The following SIGLEC12 variants were observed in gnomAD, a reference collection of about 807,000 sequenced individuals.
The protein encoded by SIGLEC12 is sialic acid binding Ig like lectin 12, also known as sialic acid-binding Ig-like lectin 12.
SIGLEC12 carries 43 observed loss-of-function variants against 54.1 expected under a neutral mutation model. The ratio of observed to expected loss-of-function variants is 0.80; its 90% CI spans 0.62 to 1.03. The LOEUF (loss-of-function observed/expected upper bound fraction) is 1.03. SIGLEC12 is among the 50% of genes least tolerant of loss of function. SIGLEC12 has a pLI of 0.00. For synonymous variants in SIGLEC12, 357 were observed against 307.6 expected (o/e 1.16, Z -1.68); for missense variants, 802 against 735.2 (o/e 1.09, Z -1.05).
intron 5 of SIGLEC12, 34 bp from the exon 6 acceptor site, chr19:51,497,479 C>T (rs1197136788): frequency 1.3e-6 from 2 of 1,532,604 alleles, no homozygotes; most frequent in African/African-American, 1.4e-5. Context: ...TGGGGTTTAC[C>T]CTCCAAGAAC....
intron 4 of SIGLEC12, among the ~76,000 whole-genome samples, chr19:51,498,833 G>C (rs1990312529): frequency 6.6e-6 from 1 of 152,194 alleles, no homozygotes; most frequent in Non-Finnish European, 1.5e-5. Context: ...TGTGACTATA[G>C]TATGTATCCA....
intron 7 of SIGLEC12, among the ~76,000 whole-genome samples, chr19:51,495,514 T>A (rs1157456853): frequency 6.6e-6 from 1 of 152,166 alleles, no homozygotes; most frequent in Non-Finnish European, 1.5e-5. Flanking sequence ...GATGGATGAA[T>A]GGTTGGATGA....
In SIGLEC12 at chr19:51,498,299, G is replaced by C. The variant is rs1385083040; in HGVS notation, c.1136-12C>G. 2 of 1,589,228 alleles carry C rather than the reference G, an allele frequency of 1.3e-6. No homozygotes were observed. Among genetic ancestry groups the C allele is most frequent in the Middle Eastern group, 1.7e-4 (1 of 5,928 alleles). ...CAAGGTTGTGGATGCTGTAGAGAAAGAGACAGAAGGGCAGAGAGAGACAAA... is the reference window on the plus strand; with the variant it reads ...CAAGGTTGTGGATGCTGTAGAGAAACAGACAGAAGGGCAGAGAGAGACAAA... On this transcript the variant is annotated splice_polypyrimidine_tract_variant and intron_variant, in intron 4 of 7. Coordinates refer to ENST00000291707, the MANE Select transcript of SIGLEC12 (RefSeq NM_053003.4).
rs770957500 is a variant in SIGLEC12, at chr19:51,498,135, C to T, written c.1288G>A (p.Val430Met). Residue 430 changes from valine to methionine, a missense_variant, in exon 5 of 8, where the codon GTG becomes ATG. Val to Met is a conservative substitution (Grantham distance 21). Coordinates refer to ENST00000291707, the MANE Select transcript of SIGLEC12 (RefSeq NM_053003.4). ...ACATGCACTCGAGGCAGCTCCAGCA[C>T]CCCAAGGTTCGAGGACTGTGAGGGG... is the stretch of plus-strand genomic sequence containing the variant. Reference protein sequence around the residue: ...LSPSQSSNLGVLELPRVHVKD... With the variant: ...LSPSQSSNLGMLELPRVHVKD... 6.2e-7 allele frequency: 1 copy of T among 1,614,122 alleles called. No homozygotes were observed. The highest frequency in any genetic ancestry group is 1.1e-5 in the South Asian group (1 of 91,088).
chr19:51,497,618 G>A (rs962317390), intron 5 of SIGLEC12, among the ~76,000 whole-genome samples, 173 bp from the exon 6 acceptor site: 2 of 152,214 alleles, frequency 1.3e-5, no homozygotes, highest in South Asian at 4.1e-4. Flanking sequence ...AGTGCTGGGT[G>A]CAGTCTGCCT....
intron 7 of SIGLEC12, among the ~76,000 whole-genome samples, chr19:51,495,355 A>G (rs538104858): frequency 0.058 from 902 of 15,428 alleles, 42 homozygotes; most frequent in Non-Finnish European, 0.074. Context: ...ATGGATGGAC[A>G]GACGGGTGGG....
Position 51,500,150 on chromosome 19 carries a change from T to A in SIGLEC12, c.578A>T (p.Glu193Val), listed in dbSNP as rs376421499. Residue 193 changes from glutamate (E) to valine (V), a missense_variant, in exon 2 of 8, where the codon GAA becomes GTA. Coordinates refer to ENST00000291707, the MANE Select transcript of SIGLEC12 (RefSeq NM_053003.4). ...AATATCCCATGGTATATCGGCCCCT[T>A]CCTTGAACCAGGATCCATAAACAGG... Reference protein sequence around the residue: ...SSPVYGSWFKEGADIPWDIPV... With the variant: ...SSPVYGSWFKVGADIPWDIPV... The A allele has an allele frequency of 5.0e-5, 81 of 1,614,026 alleles. No homozygotes were observed. The highest frequency in any genetic ancestry group is 6.5e-5 in the Non-Finnish European group (77 of 1,180,032).
At chr19:51,491,871 G>A in intron 7 of SIGLEC12, 42 bp from the exon 8 acceptor site, 1 of 1,464,480 alleles carries the variant, frequency 6.8e-7, no homozygotes. Flanking sequence ...GAGCAGTGGG[G>A]CCAGCATGCA....
chr19:51,498,180 A>G lies in SIGLEC12; in HGVS notation c.1243T>C (p.Trp415Arg). Reference sequence around the variant, plus strand: ...GAGGGGCTCAGGGTCAGGCTCCCCCAGGTCCAGCTCAGCCTGGCAGGGGGA... The same window carrying G: ...GAGGGGCTCAGGGTCAGGCTCCCCCGGGTCCAGCTCAGCCTGGCAGGGGGA... The part of the protein sequence containing the change: ...SNPPARLSWT[W>R]GSLTLSPSQS... Residue 415 changes from tryptophan (W) to arginine (R), a missense_variant, in exon 5 of 8, where the codon TGG becomes CGG. Trp to Arg is a moderately radical substitution (Grantham distance 101, BLOSUM62 -3). Coordinates refer to ENST00000291707, the MANE Select transcript of SIGLEC12 (RefSeq NM_053003.4). 3 of 1,614,242 alleles carry G rather than the reference A, an allele frequency of 1.9e-6. No homozygotes were observed. The highest frequency in any genetic ancestry group is 2.5e-6 in the Non-Finnish European group (3 of 1,180,038).
intron 7 of SIGLEC12, among the ~76,000 whole-genome samples, chr19:51,495,686 A>G (rs1445049367): frequency 6.6e-6 from 1 of 152,206 alleles, no homozygotes; most frequent in Non-Finnish European, 1.5e-5. Flanking sequence ...TATAGAATTA[A>G]ACTTCGATGA....
intron 1 of SIGLEC12, 24 bp from the exon 2 acceptor site, chr19:51,500,324 C>A (rs1990362887): frequency 1.1e-5 from 17 of 1,614,106 alleles, no homozygotes; most frequent in Non-Finnish European, 1.4e-5. Flanking sequence ...AGGGTCAGCC[C>A]AGCCCCCACT....
At chr19:51,497,075 G>C in intron 6 of SIGLEC12, 99 bp from the exon 7 acceptor site, 1 of 1,584,958 alleles carries the variant, frequency 6.3e-7, no homozygotes, top group Admixed American at 1.7e-5. Flanking sequence ...AGCTGGAGGG[G>C]TAACTGAGGC....
At chr19:51,492,276 T>C (rs1265747884) in intron 7 of SIGLEC12, among the ~76,000 whole-genome samples, 2 of 152,076 alleles carry the variant, frequency 1.3e-5, no homozygotes, top group Admixed American at 6.6e-5. Context: ...ACTCTTTAAC[T>C]GAAGGAGGTG....
In SIGLEC12 at chr19:51,501,797, A is replaced by T; in HGVS notation, c.-64T>A. On this transcript the variant is annotated 5_prime_UTR_variant, in exon 1 of 8. Transcript: ENST00000291707. Reference sequence around the variant, plus strand: ...TGTTCCTCAGGGTTCTTCTCTCAGGAACTGAGAACTCAAGATTTCGAGGAA... The same window carrying T: ...TGTTCCTCAGGGTTCTTCTCTCAGGTACTGAGAACTCAAGATTTCGAGGAA... 6.8e-7 allele frequency: 1 copy of T among 1,471,578 alleles called. No individual in the cohort carries two copies. The highest frequency in any genetic ancestry group is 9.0e-7 in the Non-Finnish European group (1 of 1,105,512). The allele number at this position is 1,471,578 out of a possible 1,614,324, so 91.2% of individuals were successfully genotyped here.
At chr19:51,500,488 G>T in intron 1 of SIGLEC12, 188 bp from the exon 2 acceptor site, 1 of 964,360 alleles carries the variant, frequency 1.0e-6, no homozygotes, top group Non-Finnish European at 1.5e-6. Flanking sequence ...CCTCAGCCCT[G>T]CATGGAAGAG....
Position 51,491,353 on chromosome 19 carries a change from G to A in SIGLEC12, c.*288C>T. 2.6e-6 allele frequency: 1 copy of A among 383,970 alleles called. No individual in the cohort carries two copies. The highest frequency in any genetic ancestry group is 4.8e-6 in the Non-Finnish European group (1 of 210,152). 23.8% of individuals were successfully genotyped at this position (383,970 alleles called of 1,614,324 possible). A position where few individuals can be genotyped will look rare whatever the true frequency, so the allele number is the denominator to read the frequency against. ...GAGTGAAATAAGCCAGGTACAGAGA[G>A]ACAAACACTCTACGATCTCACTATA... On this transcript the variant is annotated 3_prime_UTR_variant, in exon 8 of 8. Transcript: ENST00000291707.
Position 51,501,380 on chromosome 19 carries a change from T to G in SIGLEC12, c.354A>C (p.Thr118=). The G allele has an allele frequency of 6.2e-7, 1 of 1,614,244 alleles. No homozygotes were observed. The highest frequency in any genetic ancestry group is 1.6e-4 in the Middle Eastern group (1 of 6,062). Residue 118 remains threonine, a synonymous_variant, in exon 1 of 8, where the codon ACA becomes ACC. Transcript: ENST00000291707. Reference sequence around the variant, plus strand: ...TTCCTCTCTCTACACAAAAGACGTATGTCCCTGCATCACTCTCTCTGGTGT... The same window carrying G: ...TTCCTCTCTCTACACAAAAGACGTAGGTCCCTGCATCACTCTCTCTGGTGT... ...IRDTRESDAG[T]YVFCVERGNM... is the part of the protein sequence containing the mutation.
intron 7 of SIGLEC12, among the ~76,000 whole-genome samples, chr19:51,492,756 G>T (rs972646015): frequency 1.3e-5 from 2 of 152,192 alleles, no homozygotes; most frequent in African/African-American, 4.8e-5. Context: ...GCTGGAAAAG[G>T]TGAGAAAGCG....
In SIGLEC12 at chr19:51,500,245, C is replaced by T; in HGVS notation, c.483G>A (p.Val161=). The part of the protein sequence containing the change: ...YRLEVPESVT[V]QEGLCVSVPC... Reference sequence around the variant, plus strand: ...GCACAGAGACACACAGACCCTCCTGCACAGTCACCGACTCTGGCACCTCCA... The same window carrying T: ...GCACAGAGACACACAGACCCTCCTGTACAGTCACCGACTCTGGCACCTCCA... The change falls in exon 2 of 8, where the codon GTG becomes GTA. Residue 161 remains valine (V), a synonymous_variant. Transcript: ENST00000291707. 2.5e-6 allele frequency: 4 copies of T among 1,614,182 alleles called. No homozygotes were observed. Among genetic ancestry groups the T allele is most frequent in the Non-Finnish European group, 3.4e-6 (4 of 1,180,032 alleles).
Sources: allele counts gnomAD v4.1 joint callset (sites outside exome capture counted in the v4.1 genomes callset), GRCh38; gene constraint gnomAD v4.1.1; transcripts MANE v1.5; gene names NCBI Gene and HGNC (gene_info 2026-07-23, HGNC 2026-07-21).